OTUD4: variants seen among roughly 807,000 people sequenced by gnomAD.
The protein encoded by OTUD4 is OTU domain-containing protein 4.
In OTUD4, 24 loss-of-function variants were observed where a neutral mutation model predicts 130.4. The observed-to-expected ratio is 0.18, with a 90% confidence interval of 0.13 to 0.26. The LOEUF is 0.26. Among genes scored for constraint, OTUD4 ranks in the 10% least tolerant of loss-of-function variants. The probability of loss-of-function intolerance (pLI) is 1.00; values close to 1 mark genes in which losing one functional copy is unlikely to be tolerated. For missense variants in OTUD4, 1,031 were observed against 1,329.4 expected, an observed-to-expected ratio of 0.78 and a Z score of 3.49; for synonymous variants, 420 against 472.5, an observed-to-expected ratio of 0.89 and a Z score of 1.44.
rs1325540914 is a variant in OTUD4 at position 145,135,365 on chromosome 4, A to G, written c.*2065T>C. 6.6e-6 allele frequency: 1 copy of G among 152,332 alleles called. No individual in the cohort carries two copies. Among genetic ancestry groups the G allele is most frequent in the African/African-American group, 2.4e-5 (1 of 41,462 alleles). The allele number at this position is 152,332 out of a possible 1,614,324, so 9.4% of individuals were successfully genotyped here. The stretch of plus-strand genomic sequence containing the variant: ...TTTTTAAACATTTTCAGAAGCTGAG[A>G]TCAAACCCCAGTCAATAAAATGCAG... On this transcript the variant is annotated 3_prime_UTR_variant, in exon 21 of 21. Coordinates refer to ENST00000447906, the MANE Select transcript of OTUD4 (RefSeq NM_001366057.1).
At position 145,134,639 on chromosome 4, in the gene OTUD4, G is replaced by C. The variant is rs1734536943; in HGVS notation, c.*2791C>G. On this transcript the variant is annotated 3_prime_UTR_variant, in exon 21 of 21. Transcript: ENST00000447906. ...TGCTTGCCAGGACAAGGCAGGGTCT[G>C]AGCTTAGGTCTGCCATGAAAATGAA... 2.5e-6 allele frequency: 1 copy of C among 398,410 alleles called. No individual in the cohort carries two copies. Among genetic ancestry groups the C allele is most frequent in the African/African-American group, 2.1e-5 (1 of 48,628 alleles). The allele number at this position is 398,410 out of a possible 1,614,324, so 24.7% of individuals were successfully genotyped here.
Position 145,135,583 on chromosome 4 carries a change from T to C in OTUD4, c.*1847A>G, listed in dbSNP as rs1341120175. Reference sequence around the variant, plus strand: ...TGAGCCACCGATGTTAAGAAAAAAATGGCTTAAGCGGTACCTTCAACAACT... The same window carrying C: ...TGAGCCACCGATGTTAAGAAAAAAACGGCTTAAGCGGTACCTTCAACAACT... On this transcript the variant is annotated 3_prime_UTR_variant, in exon 21 of 21. Coordinates refer to ENST00000447906, the MANE Select transcript of OTUD4 (RefSeq NM_001366057.1). The C allele has an allele frequency of 6.6e-6, 1 of 152,460 alleles. No individual in the cohort carries two copies. Among genetic ancestry groups the C allele is most frequent in the Non-Finnish European group, 1.5e-5 (1 of 68,022 alleles). 9.4% of individuals were successfully genotyped at this position (152,460 alleles called of 1,614,324 possible).
At chr4:145,150,159 A>C (rs1327249752) in intron 13 of OTUD4, among the ~76,000 whole-genome samples, 1 of 152,222 alleles carries the variant, frequency 6.6e-6, no homozygotes, top group South Asian at 2.1e-4. Context: ...AAATGGGAGT[A>C]TCCTCACCTC....
chr4:145,159,367 A>T (rs1004658579), intron 7 of OTUD4, 136 bp downstream of exon 7: 8 of 1,513,306 alleles, frequency 5.3e-6, no homozygotes, highest in Middle Eastern at 2.5e-4. Flanking sequence ...AAGAAACTTC[A>T]GCAGACTGCT....
chr4:145,165,294 G>A (rs1751792527), intron 3 of OTUD4, 97 bp from the exon 4 acceptor site: 1 of 705,516 alleles, frequency 1.4e-6, no homozygotes, highest in Middle Eastern at 3.6e-4. Flanking sequence ...TACGTAATGA[G>A]TTCTTAAAGC....
Position 145,144,287 on chromosome 4 carries a change from C to T in OTUD4, c.1546+24G>A, listed in dbSNP as rs747952440. On this transcript the variant is annotated intron_variant, in intron 15 of 20. Coordinates refer to ENST00000447906, the MANE Select transcript of OTUD4 (RefSeq NM_001366057.1). ...CATCTAAAGAGATCTCTAGCATCTG[C>T]TTTCTAATGATGAGATAACTTACCT... is the stretch of plus-strand genomic sequence containing the variant. 5.6e-6 allele frequency: 9 copies of T among 1,602,208 alleles called. No homozygotes were observed. The South Asian group carries it at 1.0e-4, about 18-fold the overall frequency.
rs773742947 is a variant in OTUD4, at chr4:145,146,302, G to T, written c.1387C>A (p.Gln463Lys). The change falls in exon 14 of 21, where the codon CAG becomes AAG. Residue 463 changes from glutamine to lysine, a missense_variant. Transcript: ENST00000447906. The stretch of plus-strand genomic sequence containing the variant: ...GGGAAAGCCTGTTCATCTCTGTTCT[G>T]AATCTCATAGAGTAAACGGGATTCT... ...IEESRLLYEI[Q>K]NRDEQAFPAL... The T allele has an allele frequency of 2.5e-6, 4 of 1,580,788 alleles. No individual in the cohort carries two copies. The highest frequency in any genetic ancestry group is 3.4e-6 in the Non-Finnish European group (4 of 1,167,498).
At chr4:145,162,952 G>T (rs1379195997) in intron 5 of OTUD4, among the ~76,000 whole-genome samples, 2 of 151,984 alleles carry the variant, frequency 1.3e-5, no homozygotes, top group African/African-American at 2.4e-5. Flanking sequence ...ATGTTTATAG[G>T]ATCACAAAAA....
At chr4:145,146,985 T>G (rs1750855878) in intron 13 of OTUD4, among the ~76,000 whole-genome samples, 1 of 152,102 alleles carries the variant, frequency 6.6e-6, no homozygotes, top group South Asian at 2.1e-4. Context: ...GGATACCAAT[T>G]GCATAGATAA....
chr4:145,144,903 G>A (rs530660954), intron 14 of OTUD4, among the ~76,000 whole-genome samples: 133 of 152,230 alleles, frequency 8.7e-4, no homozygotes, highest in African/African-American at 3.0e-3. Context: ...CTTAAACTCT[G>A]CATGAGATAA....
In OTUD4 at chr4:145,139,275, A is replaced by G. The variant is rs986289165; in HGVS notation, c.2125-625T>C. 2.6e-5 allele frequency among the ~76,000 whole-genome samples: 4 copies of G among 152,218 alleles called. No homozygotes were observed. The East Asian group carries it at 7.7e-4, about 29-fold the overall frequency. On this transcript the variant is annotated intron_variant, in intron 20 of 20. Transcript: ENST00000447906. Reference sequence around the variant, plus strand: ...AAGCAATGCAGCAGATAGTAAAATAATCAAGTTTCTTTTTATGAAAGTGGT... The same window carrying G: ...AAGCAATGCAGCAGATAGTAAAATAGTCAAGTTTCTTTTTATGAAAGTGGT...
rs1294461176 is a variant in OTUD4, at chr4:145,174,764, A to C, written c.160-20T>G. 1 of 1,428,226 alleles carries C rather than the reference A, an allele frequency of 7.0e-7. No individual in the cohort carries two copies. The highest frequency in any genetic ancestry group is 9.9e-7 in the Non-Finnish European group (1 of 1,010,752). 88.5% of individuals were successfully genotyped at this position (1,428,226 alleles called of 1,614,324 possible). A position where few individuals can be genotyped will look rare whatever the true frequency, so the allele number is the denominator to read the frequency against. On this transcript the variant is annotated intron_variant, in intron 1 of 20. Coordinates refer to ENST00000447906, the MANE Select transcript of OTUD4 (RefSeq NM_001366057.1). ...CAATACCTAAAAAGAAAAGGCAACA[A>C]ACACACTATTAAGCATTTAGTTAAA...
chr4:145,171,784 G>A (rs568715285), intron 2 of OTUD4, 64 bp from the exon 3 acceptor site: 449 of 788,240 alleles, frequency 5.7e-4, no homozygotes, highest in African/African-American at 4.1e-3. Flanking sequence ...TAACCGCTTC[G>A]CTGTGTAAAC....
chr4:145,138,711 A>G (rs1295584477), intron 20 of OTUD4, 61 bp from the exon 21 acceptor site: 10 of 1,465,398 alleles, frequency 6.8e-6, no homozygotes, highest in Admixed American at 4.4e-5. Flanking sequence ...GTTTGGGTGG[A>G]TATCAATCTA....
chr4:145,164,150 T>C lies in OTUD4; in HGVS notation c.414+4A>G, dbSNP rs1281847130. 2 of 1,371,760 alleles carry C rather than the reference T, an allele frequency of 1.5e-6. No individual in the cohort carries two copies. Among genetic ancestry groups the C allele is most frequent in the Non-Finnish European group, 2.0e-6 (2 of 984,212 alleles). 85.0% of individuals were successfully genotyped at this position (1,371,760 alleles called of 1,614,324 possible). On this transcript the variant is annotated splice_donor_region_variant and intron_variant, in intron 5 of 20. Transcript: ENST00000447906. ...TACTTTAGAACACTTTGAAAAATTC[T>C]TACCTTTTCAGGAAAATTATTTTCT...
At chr4:145,150,975 T>C (rs1751040210) in intron 11 of OTUD4, 70 bp from the exon 12 acceptor site, 3 of 859,028 alleles carry the variant, frequency 3.5e-6, no homozygotes, top group Admixed American at 3.1e-5. Flanking sequence ...TCTGCATATT[T>C]ATTTTCAGCT....
chr4:145,179,694 A>T, intron 1 of OTUD4, 121 bp downstream of exon 1: 2 of 1,407,406 alleles, frequency 1.4e-6, no homozygotes, highest in Non-Finnish European at 1.8e-6. Flanking sequence ...CTGTGACGAC[A>T]GCCAGGGCAC....
In OTUD4 at chr4:145,150,508, G is replaced by A. The variant is rs760832568; in HGVS notation, c.1259+5C>T. 1.3e-6 allele frequency: 2 copies of A among 1,579,398 alleles called. No homozygotes were observed. Among genetic ancestry groups the A allele is most frequent in the South Asian group, 2.2e-5 (2 of 89,578 alleles). On this transcript the variant is annotated splice_donor_5th_base_variant and intron_variant, in intron 13 of 20. Transcript: ENST00000447906. Reference sequence around the variant, plus strand: ...CTATACTTCTCTTACATTCAAGAAGGTTACCTTATGATCTGTGAAGGTGTC... The same window carrying A: ...CTATACTTCTCTTACATTCAAGAAGATTACCTTATGATCTGTGAAGGTGTC...
chr4:145,144,490 G>A, intron 14 of OTUD4, 56 bp from the exon 15 acceptor site: 2 of 1,526,552 alleles, frequency 1.3e-6, no homozygotes, highest in Non-Finnish European at 1.8e-6. Flanking sequence ...ACAGATACAT[G>A]AACAAATTCT....
Sources: allele counts gnomAD v4.1 joint callset (sites outside exome capture counted in the v4.1 genomes callset), GRCh38; gene constraint gnomAD v4.1.1; transcripts MANE v1.5; gene names NCBI Gene and HGNC (gene_info 2026-07-23, HGNC 2026-07-21).